The following CCDC73 variants were observed in gnomAD, a reference collection of about 807,000 sequenced individuals.
The protein encoded by CCDC73 is coiled-coil domain containing 73, also known as coiled-coil domain-containing protein 73.
In CCDC73, 95 loss-of-function variants were observed where a neutral mutation model predicts 116.5. That is an observed-to-expected ratio of 0.82 (90% CI 0.69 to 0.97). CCDC73 has a LOEUF of 0.97. Ranked by LOEUF, CCDC73 falls within the 50% of genes least tolerant of loss-of-function variation. CCDC73 has a pLI of 0.00. For missense variants in CCDC73, 1,066 were observed against 1,206.8 expected (o/e 0.88, Z 1.73); for synonymous variants, 398 against 401.3 (o/e 0.99, Z 0.10).
intron 6 of CCDC73, among the ~76,000 whole-genome samples, chr11:32,687,694 T>C (rs2133300162): frequency 6.6e-6 from 1 of 152,296 alleles, no homozygotes; most frequent in African/African-American, 2.4e-5. Context: ...ATATATTTCC[T>C]AGCTCTGTCG....
chr11:32,648,446 C>A (rs1461890558), intron 12 of CCDC73, among the ~76,000 whole-genome samples: 2 of 152,182 alleles, frequency 1.3e-5, no homozygotes, highest in African/African-American at 2.4e-5. Flanking sequence ...TCATGTTCAT[C>A]TTTCAGTCAT....
intron 1 of CCDC73, among the ~76,000 whole-genome samples, chr11:32,793,641 C>T (rs1004254174): frequency 1.3e-5 from 2 of 151,844 alleles, no homozygotes; most frequent in South Asian, 2.1e-4. Context: ...GACAGAGTCT[C>T]GCTCTGTTGC....
chr11:32,680,336 T>G (rs1565074586), intron 7 of CCDC73: 1 of 152,196 alleles, frequency 6.6e-6, no homozygotes, highest in Non-Finnish European at 1.5e-5. Flanking sequence ...AATAGTTAAG[T>G]ACATATTGTT....
chr11:32,666,828 T>C (rs1343665713), intron 9 of CCDC73, among the ~76,000 whole-genome samples: 2 of 152,226 alleles, frequency 1.3e-5, no homozygotes, highest in African/African-American at 4.8e-5. Context: ...GACGTACAGA[T>C]GGGGTTTTCG....
At chr11:32,663,077 T>C (rs1403154333) in intron 9 of CCDC73, among the ~76,000 whole-genome samples, 6 of 152,164 alleles carry the variant, frequency 3.9e-5, no homozygotes, top group Non-Finnish European at 7.4e-5. Context: ...ACCATGCTGT[T>C]TTGGTTACTG....
At chr11:32,736,863 G>T (rs1382952652) in intron 2 of CCDC73, among the ~76,000 whole-genome samples, 2 of 151,720 alleles carry the variant, frequency 1.3e-5, no homozygotes, top group South Asian at 4.2e-4. Context: ...CCTTTGTAGG[G>T]ACATGGATGA....
At chr11:32,676,130 C>CATAA (rs1856086782) in intron 7 of CCDC73, 109 bp from the exon 8 acceptor site, 1 of 815,496 alleles carries the variant, frequency 1.2e-6, no homozygotes, top group Non-Finnish European at 1.8e-6. Flanking sequence ...AGTAATATAA[C>CATAA]ATAAATAAAT....
At chr11:32,725,878 T>G (rs1199575895) in intron 2 of CCDC73, among the ~76,000 whole-genome samples, 1 of 152,182 alleles carries the variant, frequency 6.6e-6, no homozygotes, top group African/African-American at 2.4e-5. Flanking sequence ...AGCAGTCTTA[T>G]GAGGATAGGC....
intron 7 of CCDC73, chr11:32,682,002 ATAT>A (rs1334624134): frequency 6.6e-6 from 1 of 151,928 alleles, no homozygotes; most frequent in Non-Finnish European, 1.5e-5. Flanking sequence ...GTCAGAAAAA[ATAT>A]TATGACTATA....
Position 32,632,005 on chromosome 11 carries a change from T to C in CCDC73, c.1185+3691A>G, listed in dbSNP as rs755662026. Among the ~76,000 whole-genome samples the C allele has an allele frequency of 8.1e-4, 124 of 152,242 alleles. 1 individual carries two copies. Among genetic ancestry groups the C allele is most frequent in the Admixed American group, 9.2e-4 (14 of 15,288 alleles). On this transcript the variant is annotated intron_variant, in intron 14 of 17. Coordinates refer to ENST00000335185, the MANE Select transcript of CCDC73 (RefSeq NM_001008391.4). ...GGGTATGAGTATGACCCACTGGAAA[T>C]ATGTTGTTAAATTTCCAAACATTTG... is the stretch of plus-strand genomic sequence containing the variant.
intron 2 of CCDC73, among the ~76,000 whole-genome samples, chr11:32,739,207 A>AT (rs543121269): frequency 1.1e-4 from 17 of 151,034 alleles, no homozygotes; most frequent in South Asian, 2.1e-4. Context: ...AAATTTTAGA[A>AT]TTTTTTTTTC....
intron 2 of CCDC73, among the ~76,000 whole-genome samples, chr11:32,729,598 C>T (rs998141390): frequency 2.0e-5 from 3 of 152,210 alleles, no homozygotes; most frequent in Non-Finnish European, 4.4e-5. Flanking sequence ...TGAGGAATCA[C>T]CACACCATCT....
rs1455490517 is a variant in CCDC73 at position 32,760,276 on chromosome 11, C to T, written c.-15-18G>A. The T allele has an allele frequency of 1.4e-6, 2 of 1,382,364 alleles. No homozygotes were observed. Among genetic ancestry groups the T allele is most frequent in the Admixed American group, 5.4e-5 (2 of 37,200 alleles). 85.6% of individuals were successfully genotyped at this position (1,382,364 alleles called of 1,614,324 possible). On this transcript the variant is annotated intron_variant, in intron 1 of 17. Transcript: ENST00000335185. ...TTTATTTCCTGTAATGTAAAAAGGT[C>T]TTAACTGAAAAAAAATTATCTAGGT...
chr11:32,810,762 C>A, the CCDC73 span, among the ~76,000 whole-genome samples: 2 of 152,274 alleles, frequency 1.3e-5, no homozygotes, highest in Non-Finnish European at 2.9e-5. Flanking sequence ...TAACTCCCCC[C>A]TTCTCCATTT....
chr11:32,677,286 T>G (rs1419502281), intron 7 of CCDC73, among the ~76,000 whole-genome samples: 1 of 152,208 alleles, frequency 6.6e-6, no homozygotes, highest in Non-Finnish European at 1.5e-5. Context: ...AAATACTTTT[T>G]CTTCATTACA....
chr11:32,767,238 C>A (rs1850450902), intron 1 of CCDC73, among the ~76,000 whole-genome samples: 1 of 152,060 alleles, frequency 6.6e-6, no homozygotes, highest in Non-Finnish European at 1.5e-5. Context: ...CCCTATTTAA[C>A]AAATGGTGCT....
chr11:32,621,091 T>C (rs1855519362), intron 14 of CCDC73, among the ~76,000 whole-genome samples: 2 of 152,166 alleles, frequency 1.3e-5, no homozygotes, highest in Non-Finnish European at 2.9e-5. Context: ...AAAATGGCCA[T>C]ACTGCCCAAA....
At chr11:32,614,969 T>A in intron 15 of CCDC73, 27 bp from the exon 16 acceptor site, 1 of 1,407,526 alleles carries the variant, frequency 7.1e-7, no homozygotes, top group Non-Finnish European at 9.7e-7. Context: ...ACAGTAAAAT[T>A]TTATATTATA....
At chr11:32,624,717 G>A (rs960290185) in intron 14 of CCDC73, among the ~76,000 whole-genome samples, 5 of 152,124 alleles carry the variant, frequency 3.3e-5, no homozygotes, top group Non-Finnish European at 5.9e-5. Context: ...ATAAAGATAC[G>A]TGCACACGTA....
Sources: allele counts gnomAD v4.1 joint callset (sites outside exome capture counted in the v4.1 genomes callset), GRCh38; gene constraint gnomAD v4.1.1; transcripts MANE v1.5; gene names NCBI Gene and HGNC (gene_info 2026-07-23, HGNC 2026-07-21).